The following ELOVL6 variants were observed in gnomAD, a reference collection of about 807,000 sequenced individuals.
ELOVL6 encodes ELOVL fatty acid elongase 6, also known as very long chain fatty acid elongase 6.
ELOVL6 carries 8 observed loss-of-function variants against 31.7 expected under a neutral mutation model. The ratio of observed to expected loss-of-function variants is 0.25; its 90% CI spans 0.15 to 0.45. The LOEUF (loss-of-function observed/expected upper bound fraction) is 0.45. Ranked by LOEUF, ELOVL6 falls within the 20% of genes least tolerant of loss-of-function variation. The pLI, the probability that ELOVL6 is intolerant of heterozygous loss-of-function variation, is 1.00. For synonymous variants in ELOVL6, 101 were observed against 117.7 expected, an observed-to-expected ratio of 0.86 and a Z score of 0.92; for missense variants, 126 against 326.4, an observed-to-expected ratio of 0.39 and a Z score of 4.73.
chr4:110,179,441 G>T (rs937867389), intron 1 of ELOVL6, among the ~76,000 whole-genome samples: 4 of 152,294 alleles, frequency 2.6e-5, no homozygotes, highest in African/African-American at 4.8e-5. Flanking sequence ...GGGAGGCTGA[G>T]GTTGCAGTGA....
chr4:110,108,643 A>T (rs1375845183), intron 1 of ELOVL6, among the ~76,000 whole-genome samples: 1 of 152,232 alleles, frequency 6.6e-6, no homozygotes, highest in East Asian at 1.9e-4. Flanking sequence ...AACCGATGAC[A>T]ATAGTCACTC....
chr4:110,183,632 G>A (rs1411238063), intron 1 of ELOVL6, among the ~76,000 whole-genome samples: 1 of 151,756 alleles, frequency 6.6e-6, no homozygotes, highest in African/African-American at 2.4e-5. Context: ...TACCTCTTTA[G>A]TATGTTTTTC....
At chr4:110,073,894 A>G (rs1485509400) in intron 2 of ELOVL6, among the ~76,000 whole-genome samples, 1 of 152,128 alleles carries the variant, frequency 6.6e-6, no homozygotes, top group Non-Finnish European at 1.5e-5. Context: ...TTCTTTTCCC[A>G]TAGTCCATGG....
chr4:110,130,365 T>C (rs114422025), intron 1 of ELOVL6, among the ~76,000 whole-genome samples: 1,783 of 152,308 alleles, frequency 0.012, 12 homozygotes, highest in Non-Finnish European at 0.019. Context: ...GTGACATTTG[T>C]ATAGCCTCCC....
intron 1 of ELOVL6, among the ~76,000 whole-genome samples, chr4:110,152,525 C>T (rs930344465): frequency 2.2e-4 from 33 of 152,342 alleles, no homozygotes; most frequent in African/African-American, 7.5e-4. Flanking sequence ...GTGCCACGCC[C>T]GGCCTTTCTG....
chr4:110,059,908 A>G (rs1755092414), intron 2 of ELOVL6, 154 bp from the exon 3 acceptor site: 1 of 655,024 alleles, frequency 1.5e-6, no homozygotes, highest in Non-Finnish European at 2.5e-6. Context: ...AATGTTCTGT[A>G]AACAAGAGCT....
intron 1 of ELOVL6, among the ~76,000 whole-genome samples, chr4:110,153,674 CT>C (rs1758340119): frequency 6.6e-6 from 1 of 152,158 alleles, no homozygotes; most frequent in Non-Finnish European, 1.5e-5. Context: ...GAAATTGAAG[CT>C]TTTGAAACCT....
chr4:110,178,077 G>A (rs1430729995), intron 1 of ELOVL6, among the ~76,000 whole-genome samples: 2 of 152,122 alleles, frequency 1.3e-5, no homozygotes, highest in African/African-American at 2.4e-5. Context: ...AGAGTGAGAT[G>A]CATCTCCTCA....
At position 110,047,562 on chromosome 4, in the gene ELOVL6, G is replaced by C. The variant is rs1049985895; in HGVS notation, c.*3776C>G. The C allele has an allele frequency of 1.3e-4, 20 of 152,164 alleles. 1 individual carries two copies. The highest frequency in any genetic ancestry group is 4.8e-5 in the African/African-American group (2 of 41,434). The allele number at this position is 152,164 out of a possible 1,614,324, so 9.4% of individuals were successfully genotyped here. ...GAGCTTTGTTACTCTGATGTGACAG[G>C]CTTTACCTTATGAAGATGCTACATC... is the stretch of plus-strand genomic sequence containing the variant. On this transcript the variant is annotated 3_prime_UTR_variant, in exon 4 of 4. Coordinates refer to ENST00000302274, the MANE Select transcript of ELOVL6 (RefSeq NM_024090.3).
At chr4:110,057,200 GA>G (rs1755010560) in intron 3 of ELOVL6, among the ~76,000 whole-genome samples, 1 of 152,132 alleles carries the variant, frequency 6.6e-6, no homozygotes, top group African/African-American at 2.4e-5. Context: ...TCCTTGCAGG[GA>G]AAAGGCGTTT....
intron 2 of ELOVL6, among the ~76,000 whole-genome samples, chr4:110,074,621 G>A (rs756135015): frequency 6.6e-6 from 1 of 152,186 alleles, no homozygotes; most frequent in Non-Finnish European, 1.5e-5. Flanking sequence ...TATCTTAAAT[G>A]AGGGCAATAG....
chr4:110,192,203 A>G (rs917381142), intron 1 of ELOVL6, among the ~76,000 whole-genome samples: 5 of 151,886 alleles, frequency 3.3e-5, no homozygotes, highest in South Asian at 4.1e-4. Context: ...AAAAAAAAAA[A>G]AAAGAAAGAA....
At chr4:110,176,265 T>C (rs533286997) in intron 1 of ELOVL6, among the ~76,000 whole-genome samples, 20 of 152,082 alleles carry the variant, frequency 1.3e-4, no homozygotes, top group African/African-American at 4.3e-4. Flanking sequence ...CAGGTTCAAG[T>C]GATTCTCCTG....
At chr4:110,059,207 A>C (rs1755074612) in intron 3 of ELOVL6, among the ~76,000 whole-genome samples, 1 of 152,056 alleles carries the variant, frequency 6.6e-6, no homozygotes. Context: ...CTGAATCCTA[A>C]CTCTACAGAT....
At chr4:110,086,681 T>C (rs1400505759) in intron 2 of ELOVL6, among the ~76,000 whole-genome samples, 1 of 152,072 alleles carries the variant, frequency 6.6e-6, no homozygotes, top group Non-Finnish European at 1.5e-5. Flanking sequence ...GTGTTAGTGG[T>C]AAAAATGAAA....
chr4:110,073,467 G>T (rs974670187), intron 2 of ELOVL6, among the ~76,000 whole-genome samples: 1 of 152,232 alleles, frequency 6.6e-6, no homozygotes, highest in Non-Finnish European at 1.5e-5. Context: ...CGCAAACTCA[G>T]TGGGTATTTG....
intron 1 of ELOVL6, among the ~76,000 whole-genome samples, chr4:110,182,597 T>C (rs756517402): frequency 6.6e-6 from 1 of 152,100 alleles, no homozygotes; most frequent in African/African-American, 2.4e-5. Flanking sequence ...GAATATAATA[T>C]GAACAGATTA....
chr4:110,107,649 G>A (rs1756924298), intron 1 of ELOVL6, among the ~76,000 whole-genome samples: 1 of 152,190 alleles, frequency 6.6e-6, no homozygotes, highest in Non-Finnish European at 1.5e-5. Context: ...AAATTACAAG[G>A]GCATGGAATT....
At chr4:110,077,014 G>T (rs1755656005) in intron 2 of ELOVL6, among the ~76,000 whole-genome samples, 2 of 152,202 alleles carry the variant, frequency 1.3e-5, no homozygotes, top group African/African-American at 4.8e-5. Flanking sequence ...AGATCAAACT[G>T]CAAGGCCGCA....
Sources: allele counts gnomAD v4.1 joint callset (sites outside exome capture counted in the v4.1 genomes callset), GRCh38; gene constraint gnomAD v4.1.1; transcripts MANE v1.5; gene names NCBI Gene and HGNC (gene_info 2026-07-23, HGNC 2026-07-21).